Variants in CTNNA3 observed in about 807,000 individuals in gnomAD.
CTNNA3 encodes catenin alpha-3.
CTNNA3 carries 76 observed loss-of-function variants against 95.7 expected under a neutral mutation model. That is an observed-to-expected ratio of 0.79 (90% CI 0.66 to 0.96). CTNNA3 has a LOEUF of 0.96. CTNNA3 is among the 40% of genes least tolerant of loss of function. The pLI is 0.00. For synonymous variants in CTNNA3, 431 were observed against 374.4 expected, an observed-to-expected ratio of 1.15 and a Z score of -1.74; for missense variants, 1,191 against 1,089.8, an observed-to-expected ratio of 1.09 and a Z score of -1.31.
rs537232831 is a variant in CTNNA3, at chr10:66,320,291, C to T, written c.1733-39670G>A. 2.6e-5 allele frequency among the ~76,000 whole-genome samples: 4 copies of T among 152,156 alleles called. No homozygotes were observed. In the South Asian group the frequency reaches 8.3e-4, roughly 32 times the overall value. On this transcript the variant is annotated intron_variant, in intron 12 of 17. Transcript: ENST00000433211. ...TGATCTTTGGCTTTGATTTACCCTA[C>T]ACATTTATGCACTTCTTTTTCTTGC...
chr10:67,475,544 C>G (rs771596673), intron 5 of CTNNA3, among the ~76,000 whole-genome samples: 15 of 152,102 alleles, frequency 9.9e-5, no homozygotes, highest in Non-Finnish European at 1.5e-5. Flanking sequence ...AAGACTATAT[C>G]CCTATAGTAC....
chr10:66,361,393 C>CG (rs2092673885), intron 12 of CTNNA3, among the ~76,000 whole-genome samples: 7 of 137,820 alleles, frequency 5.1e-5, no homozygotes, highest in African/African-American at 1.9e-4. Flanking sequence ...TTCCTTCCTT[C>CG]TTCCCTTCCA....
At chr10:67,507,059 G>C (rs547603828) in intron 5 of CTNNA3, among the ~76,000 whole-genome samples, 35 of 152,092 alleles carry the variant, frequency 2.3e-4, no homozygotes, top group African/African-American at 8.2e-4. Flanking sequence ...AATAAAAGAG[G>C]AAACATTAGA....
rs192050562 is a variant in CTNNA3, at chr10:66,164,049, C to T, written c.1885-60800G>A. ...TATTTTCCTTAAGAGGGTTCATACT[C>T]TAGTGACTTTGAAAAACTGTTTGAG... On this transcript the variant is annotated intron_variant, in intron 13 of 17. Transcript: ENST00000433211. Among the ~76,000 whole-genome samples the T allele has an allele frequency of 1.9e-3, 291 of 152,246 alleles. 1 individual carries two copies. The highest frequency in any genetic ancestry group is 2.6e-3 in the Non-Finnish European group (174 of 68,020).
intron 17 of CTNNA3, among the ~76,000 whole-genome samples, chr10:65,928,537 G>C (rs2077202311): frequency 6.6e-6 from 1 of 152,086 alleles, no homozygotes; most frequent in Non-Finnish European, 1.5e-5. Context: ...ACTTGACACA[G>C]TCTACAGGAG....
intron 7 of CTNNA3, among the ~76,000 whole-genome samples, chr10:66,804,489 C>T (rs1302593584): frequency 2.6e-5 from 4 of 152,012 alleles, no homozygotes; most frequent in Admixed American, 1.3e-4. Context: ...CCACATGTCC[C>T]TTATTTGCCT....
At chr10:66,908,839 T>A (rs764647392) in intron 7 of CTNNA3, among the ~76,000 whole-genome samples, 2 of 152,118 alleles carry the variant, frequency 1.3e-5, no homozygotes, top group Non-Finnish European at 2.9e-5. Context: ...TTGTAACAAG[T>A]GTTTATGATA....
At chr10:67,530,380 G>A (rs1030321147) in intron 4 of CTNNA3, among the ~76,000 whole-genome samples, 17 of 152,230 alleles carry the variant, frequency 1.1e-4, no homozygotes, top group African/African-American at 4.1e-4. Flanking sequence ...AGCCCAGGCT[G>A]AGGTGGTCTC....
Position 67,313,427 on chromosome 10 carries a change from G to A in CTNNA3, c.580-93557C>T, listed in dbSNP as rs978013594. Among the ~76,000 whole-genome samples the A allele has an allele frequency of 3.4e-5, 5 of 148,400 alleles. No individual in the cohort carries two copies. The East Asian group carries it at 8.0e-4, about 24-fold the overall frequency. ...AGCCTGGGCGACAGAGCGAGAATCC[G>A]TCTCAAAAAAAAAAAAAATAATAAT... On this transcript the variant is annotated intron_variant, in intron 5 of 17. Transcript: ENST00000433211.
intron 5 of CTNNA3, among the ~76,000 whole-genome samples, chr10:67,462,976 C>A (rs893940547): frequency 2.6e-5 from 4 of 151,362 alleles, no homozygotes; most frequent in Admixed American, 1.3e-4. Flanking sequence ...ATGACCTCGG[C>A]TCACTGCAAC....
chr10:67,217,927 C>T (rs572940985), intron 6 of CTNNA3, among the ~76,000 whole-genome samples: 7 of 152,176 alleles, frequency 4.6e-5, no homozygotes, highest in African/African-American at 1.7e-4. Context: ...CTTCATGTGA[C>T]AGGTCGCAGT....
At chr10:66,729,606 A>C (rs1470278462) in intron 9 of CTNNA3, among the ~76,000 whole-genome samples, 1 of 152,240 alleles carries the variant, frequency 6.6e-6, no homozygotes, top group East Asian at 1.9e-4. Flanking sequence ...ATGCAAAGGC[A>C]TAAGAATTAT....
chr10:67,103,959 T>G (rs1271420755), intron 7 of CTNNA3, among the ~76,000 whole-genome samples: 1 of 151,188 alleles, frequency 6.6e-6, no homozygotes, highest in Non-Finnish European at 1.5e-5. Context: ...CTAAAAAGAG[T>G]AGACATTTGA....
chr10:66,600,670 A>G (rs1391901020), intron 10 of CTNNA3, among the ~76,000 whole-genome samples: 1 of 151,872 alleles, frequency 6.6e-6, no homozygotes, highest in African/African-American at 2.4e-5. Flanking sequence ...AATCTTACCA[A>G]GTATGATACA....
intron 9 of CTNNA3, among the ~76,000 whole-genome samples, chr10:66,690,825 T>A (rs1408459778): frequency 6.6e-6 from 1 of 152,188 alleles, no homozygotes; most frequent in East Asian, 1.9e-4. Context: ...TATAGTCCTT[T>A]GGGTATGTAC....
intron 13 of CTNNA3, among the ~76,000 whole-genome samples, chr10:66,206,770 G>T (rs2087785360): frequency 6.6e-6 from 1 of 151,802 alleles, no homozygotes. Flanking sequence ...TATATTTTCT[G>T]GTGTTTCTTA....
At chr10:66,195,591 T>C (rs1412017391) in intron 13 of CTNNA3, among the ~76,000 whole-genome samples, 1 of 152,198 alleles carries the variant, frequency 6.6e-6, no homozygotes, top group African/African-American at 2.4e-5. Flanking sequence ...GCAGACCAGA[T>C]GGTCCAGGAG....
chr10:67,454,329 T>C (rs1433984668), intron 5 of CTNNA3, among the ~76,000 whole-genome samples: 1 of 152,158 alleles, frequency 6.6e-6, no homozygotes, highest in Non-Finnish European at 1.5e-5. Flanking sequence ...GTAAGTTCAA[T>C]TCACAACTGA....
intron 5 of CTNNA3, among the ~76,000 whole-genome samples, chr10:67,367,904 G>A (rs1483134308): frequency 6.6e-6 from 1 of 152,088 alleles, no homozygotes; most frequent in African/African-American, 2.4e-5. Context: ...AAGGGAGAAA[G>A]GAAAGTGTTG....
Sources: gnomAD v4.1 joint callset for allele counts (sites outside exome capture counted in the v4.1 genomes callset) on GRCh38, gnomAD v4.1.1 for gene constraint, MANE v1.5 for transcripts, NCBI Gene and HGNC (gene_info 2026-07-23, HGNC 2026-07-21) for gene names.